Variants in SPIRE1 observed in about 807,000 individuals in gnomAD.
SPIRE1 encodes protein spire homolog 1.
Under a neutral mutation model 94.1 loss-of-function variants are expected in SPIRE1, and 40 were observed. The observed-to-expected ratio is 0.43, with a 90% CI of 0.33 to 0.55. The LOEUF (loss-of-function observed/expected upper bound fraction) is 0.55. SPIRE1 is among the 20% of genes least tolerant of loss of function. SPIRE1 has a pLI of 0.06. For synonymous variants in SPIRE1, 376 were observed against 371.7 expected (o/e 1.01, Z -0.13); for missense variants, 838 against 975.2 (o/e 0.86, Z 1.87).
intron 12 of SPIRE1, among the ~76,000 whole-genome samples, chr18:12,455,081 G>A (rs2031448852): frequency 6.6e-6 from 1 of 152,024 alleles, no homozygotes. Context: ...GACTACAGGT[G>A]CATGCCACCA....
At chr18:12,635,977 C>T (rs2037914018) in intron 1 of SPIRE1, among the ~76,000 whole-genome samples, 1 of 152,084 alleles carries the variant, frequency 6.6e-6, no homozygotes, top group South Asian at 2.1e-4. Context: ...CAACCACCCA[C>T]TCCCGGGTCC....
In SPIRE1 at chr18:12,449,425, C is replaced by T; in HGVS notation, c.*213G>A. On this transcript the variant is annotated 3_prime_UTR_variant, in exon 17 of 17. Transcript: ENST00000409402. ...TAAGTTTCAAACTGTTGTCCTCTCT[C>T]AGTGCAAACGAGCAATTGGCGGACC... is the stretch of plus-strand genomic sequence containing the variant. 2 of 584,370 alleles carry T rather than the reference C, an allele frequency of 3.4e-6. No individual in the cohort carries two copies. The highest frequency in any genetic ancestry group is 4.3e-5 in the South Asian group (2 of 46,548). 36.2% of individuals were successfully genotyped at this position (584,370 alleles called of 1,614,324 possible). A position where few individuals can be genotyped will look rare whatever the true frequency, so the allele number is the denominator to read the frequency against.
At chr18:12,572,774 C>T (rs567650813) in intron 2 of SPIRE1, among the ~76,000 whole-genome samples, 62 of 152,012 alleles carry the variant, frequency 4.1e-4, no homozygotes, top group Non-Finnish European at 8.5e-4. Context: ...AAAAGCAATA[C>T]AAAATGAAGC....
rs557750174 is a variant in SPIRE1 at position 12,540,581 on chromosome 18, G to A, written c.604-4980C>T. On this transcript the variant is annotated intron_variant, in intron 3 of 16. Coordinates refer to ENST00000409402, the MANE Select transcript of SPIRE1 (RefSeq NM_001128626.2). ...AGTAGAGACGGAGTTTCACCATGTT[G>A]ACCAGGCTGGTCTCAAACTCCTGAT... Among the ~76,000 whole-genome samples, 337 of 152,226 alleles carry A rather than the reference G, an allele frequency of 2.2e-3. 3 individuals are homozygous for A. Among genetic ancestry groups the A allele is most frequent in the Non-Finnish European group, 2.1e-3 (146 of 68,016 alleles).
chr18:12,541,726 T>G (rs2035019520), intron 3 of SPIRE1, among the ~76,000 whole-genome samples: 2 of 152,262 alleles, frequency 1.3e-5, no homozygotes, highest in South Asian at 4.1e-4. Flanking sequence ...AATGTATGAT[T>G]GGATTTTGTA....
chr18:12,525,092 C>A (rs1018664169), intron 4 of SPIRE1, among the ~76,000 whole-genome samples: 4 of 151,254 alleles, frequency 2.6e-5, no homozygotes, highest in African/African-American at 9.7e-5. Flanking sequence ...CTGGCTAACA[C>A]GGTGAAACCC....
intron 2 of SPIRE1, among the ~76,000 whole-genome samples, chr18:12,582,950 C>T (rs879591774): frequency 1.3e-5 from 2 of 152,108 alleles, no homozygotes; most frequent in African/African-American, 2.4e-5. Flanking sequence ...TACAGTGAAC[C>T]GCCCAGTGGG....
intron 2 of SPIRE1, among the ~76,000 whole-genome samples, chr18:12,606,788 C>T (rs2036990754): frequency 6.6e-6 from 1 of 152,200 alleles, no homozygotes; most frequent in Non-Finnish European, 1.5e-5. Context: ...ACCTCAGCCT[C>T]CCAATGTGCT....
chr18:12,643,981 G>A (rs1235785737), intron 1 of SPIRE1, among the ~76,000 whole-genome samples: 3 of 149,720 alleles, frequency 2.0e-5, no homozygotes, highest in African/African-American at 7.4e-5. Flanking sequence ...ATCATTTGAG[G>A]TCAGGAGTTT....
chr18:12,659,382 A>T (rs2038648329), upstream of SPIRE1, among the ~76,000 whole-genome samples: 2 of 152,134 alleles, frequency 1.3e-5, no homozygotes, highest in South Asian at 4.1e-4. Context: ...AGAAATTGAA[A>T]GAGGGCCGTG....
chr18:12,524,483 A>G (rs1785344), intron 4 of SPIRE1, among the ~76,000 whole-genome samples: 4 of 151,736 alleles, frequency 2.6e-5, no homozygotes, highest in Admixed American at 1.3e-4. Flanking sequence ...TGATGGGGGG[A>G]AAAATGTTTT....
At chr18:12,514,553 A>G (rs1338123457) in intron 4 of SPIRE1, among the ~76,000 whole-genome samples, 1 of 152,142 alleles carries the variant, frequency 6.6e-6, no homozygotes, top group Non-Finnish European at 1.5e-5. Context: ...CATTAAGTAG[A>G]TTAAGACACT....
chr18:12,620,621 G>C (rs897851120), intron 2 of SPIRE1, among the ~76,000 whole-genome samples: 1 of 152,134 alleles, frequency 6.6e-6, no homozygotes, highest in African/African-American at 2.4e-5. Context: ...TATGAAGTTA[G>C]ATCCTTTCCT....
intron 2 of SPIRE1, among the ~76,000 whole-genome samples, chr18:12,608,262 A>T (rs1033758384): frequency 1.4e-4 from 21 of 151,926 alleles, no homozygotes; most frequent in African/African-American, 5.1e-4. Flanking sequence ...ATTAATTGTT[A>T]ATACAATCAC....
chr18:12,633,366 C>T (rs988983732), intron 2 of SPIRE1, among the ~76,000 whole-genome samples: 7 of 151,982 alleles, frequency 4.6e-5, no homozygotes, highest in African/African-American at 1.2e-4. Flanking sequence ...CACCTGAGAC[C>T]GGGAGTTTGA....
At chr18:12,450,691 G>C in intron 16 of SPIRE1, 1 of 646,640 alleles carries the variant, frequency 1.5e-6, no homozygotes, top group Non-Finnish European at 2.8e-6. Flanking sequence ...GACCAGCTAA[G>C]GGAGGCAAGA....
intron 10 of SPIRE1, among the ~76,000 whole-genome samples, chr18:12,475,166 C>T (rs981561753): frequency 6.6e-6 from 1 of 152,200 alleles, no homozygotes; most frequent in Non-Finnish European, 1.5e-5. Context: ...CGGCTCACAT[C>T]TCATAACAAA....
chr18:12,500,000 A>G (rs576470465), intron 6 of SPIRE1, among the ~76,000 whole-genome samples: 1 of 152,354 alleles, frequency 6.6e-6, no homozygotes, highest in African/African-American at 2.4e-5. Context: ...GCTGGAGGCC[A>G]TTATCCTAAG....
At chr18:12,549,477 G>T (rs1229722461) in intron 2 of SPIRE1, among the ~76,000 whole-genome samples, 3 of 93,440 alleles carry the variant, frequency 3.2e-5, no homozygotes, top group African/African-American at 8.2e-5. Flanking sequence ...TTTGGAGACA[G>T]AGTCTTGCTC....
Sources: gnomAD v4.1 joint callset for allele counts (sites outside exome capture counted in the v4.1 genomes callset) on GRCh38, gnomAD v4.1.1 for gene constraint, MANE v1.5 for transcripts, NCBI Gene and HGNC (gene_info 2026-07-23, HGNC 2026-07-21) for gene names.